DCC: variants seen among roughly 807,000 people sequenced by gnomAD.
The protein encoded by DCC is DCC netrin 1 receptor.
In DCC, 58 loss-of-function variants were observed where a neutral mutation model predicts 172.5. That is an observed-to-expected ratio of 0.34 (90% CI 0.27 to 0.42). The LOEUF (loss-of-function observed/expected upper bound fraction) is 0.42. Among genes scored for constraint, DCC ranks in the 10% least tolerant of loss-of-function variants. The pLI is 1.00. For missense variants in DCC, 1,740 were observed against 1,791.0 expected, an observed-to-expected ratio of 0.97 and a Z score of 0.51; for synonymous variants, 709 against 644.5, an observed-to-expected ratio of 1.10 and a Z score of -1.52.
intron 5 of DCC, among the ~76,000 whole-genome samples, chr18:53,056,187 C>A (rs779010673): frequency 2.0e-5 from 3 of 151,922 alleles, no homozygotes; most frequent in Non-Finnish European, 4.4e-5. Context: ...ACAATCACGG[C>A]GAAAGGCAAA....
At chr18:52,711,220 GTTTA>G (rs1568056980) in intron 1 of DCC, among the ~76,000 whole-genome samples, 1 of 151,966 alleles carries the variant, frequency 6.6e-6, no homozygotes, top group African/African-American at 2.4e-5. Context: ...ATGAGACCTT[GTTTA>G]TTTATTTGTT....
chr18:52,392,994 C>T (rs1986086679), intron 1 of DCC, among the ~76,000 whole-genome samples: 1 of 151,992 alleles, frequency 6.6e-6, no homozygotes, highest in Admixed American at 6.6e-5. Context: ...TTCATTCATT[C>T]CTCTGTGGTG....
At chr18:52,504,016 A>G (rs2031129383) in intron 1 of DCC, among the ~76,000 whole-genome samples, 1 of 152,018 alleles carries the variant, frequency 6.6e-6, no homozygotes, top group South Asian at 2.1e-4. Context: ...AACCTTATAA[A>G]CATAAATGGA....
intron 25 of DCC, among the ~76,000 whole-genome samples, chr18:53,471,180 T>C (rs1299260794): frequency 3.3e-5 from 5 of 152,194 alleles, no homozygotes; most frequent in African/African-American, 1.2e-4. Context: ...TTTTTGTGGG[T>C]ACATAGTAGG....
intron 9 of DCC, 96 bp from the exon 10 acceptor site, chr18:53,205,120 T>A: frequency 1.1e-6 from 1 of 927,250 alleles, no homozygotes; most frequent in Non-Finnish European, 1.8e-6. Context: ...CCTAGAATTT[T>A]ATTGAACTGT....
At position 53,483,397 on chromosome 18, in the gene DCC, C is replaced by G. The variant is rs143707830; in HGVS notation, c.3737-3400C>G. Among the ~76,000 whole-genome samples the G allele has an allele frequency of 3.1e-3, 471 of 151,934 alleles. 3 individuals carry two copies. Among genetic ancestry groups the G allele is most frequent in the Non-Finnish European group, 5.4e-3 (367 of 67,806 alleles). ...TTGACACTTAAAATATTTTGTTACA[C>G]ATTAAATACCTGTGAAAGATGGAAT... On this transcript the variant is annotated intron_variant, in intron 25 of 28. Coordinates refer to ENST00000442544, the MANE Select transcript of DCC (RefSeq NM_005215.4).
At chr18:53,101,803 CTGTGTGTG>C (rs140007932) in intron 7 of DCC, among the ~76,000 whole-genome samples, 1 of 141,642 alleles carries the variant, frequency 7.1e-6, no homozygotes, top group Non-Finnish European at 1.5e-5. Context: ...TACCACTGGG[CTGTGTGTG>C]TGTGTGTGTG....
At position 53,082,958 on chromosome 18, in the gene DCC, C is replaced by T. The variant is rs2042827440; in HGVS notation, c.1261+16792C>T. 2.0e-5 allele frequency among the ~76,000 whole-genome samples: 3 copies of T among 152,048 alleles called. No individual in the cohort carries two copies. The South Asian group carries it at 6.2e-4, about 32-fold the overall frequency. On this transcript the variant is annotated intron_variant, in intron 7 of 28. Transcript: ENST00000442544. Reference sequence around the variant, plus strand: ...CTCACTGAATTTTATATATGCCTACCACTGTAACACTGGCCCACTTTGTTC... The same window carrying T: ...CTCACTGAATTTTATATATGCCTACTACTGTAACACTGGCCCACTTTGTTC...
intron 3 of DCC, among the ~76,000 whole-genome samples, chr18:52,906,664 T>A (rs996372892): frequency 2.6e-5 from 4 of 152,116 alleles, no homozygotes; most frequent in Non-Finnish European, 5.9e-5. Context: ...CTGATAACAG[T>A]CTAAGAGGTA....
chr18:53,461,205 C>A (rs1466939669), intron 24 of DCC, among the ~76,000 whole-genome samples: 3 of 151,900 alleles, frequency 2.0e-5, no homozygotes, highest in Non-Finnish European at 4.4e-5. Context: ...GAGTAGGTTG[C>A]AAAAATTTTC....
chr18:52,667,360 A>G (rs2035474232), intron 1 of DCC, among the ~76,000 whole-genome samples: 1 of 152,210 alleles, frequency 6.6e-6, no homozygotes. Flanking sequence ...TATTATTGAT[A>G]TATGTCTTAT....
chr18:52,603,591 TAC>T (rs10553153), intron 1 of DCC, among the ~76,000 whole-genome samples: 38,161 of 144,402 alleles, frequency 0.26, 5,212 homozygotes, highest in Middle Eastern at 0.35. Flanking sequence ...GTGAAGTTAA[TAC>T]ACACACACAC....
intron 1 of DCC, among the ~76,000 whole-genome samples, chr18:52,604,049 C>T (rs1225185724): frequency 4.0e-5 from 6 of 151,796 alleles, no homozygotes; most frequent in African/African-American, 2.4e-5. Context: ...GTAAAGGTGG[C>T]ATCTAAGATG....
At position 53,063,301 on chromosome 18, in the gene DCC, G is replaced by A. The variant is rs769496827; in HGVS notation, c.986-4G>A. Reference sequence around the variant, plus strand: ...CACTCACTTTTTTTTTTCTGTCTTTGCAGTTCCGCCATGGTTTTTAAATCA... The same window carrying A: ...CACTCACTTTTTTTTTTCTGTCTTTACAGTTCCGCCATGGTTTTTAAATCA... On this transcript the variant is annotated splice_polypyrimidine_tract_variant and splice_region_variant and intron_variant, in intron 5 of 28. Coordinates refer to ENST00000442544, the MANE Select transcript of DCC (RefSeq NM_005215.4). 24 of 1,610,618 alleles carry A rather than the reference G, an allele frequency of 1.5e-5. No homozygotes were observed. In the South Asian group the frequency reaches 2.5e-4, roughly 17 times the overall value.
intron 9 of DCC, among the ~76,000 whole-genome samples, chr18:53,203,799 A>G (rs2055581681): frequency 1.3e-5 from 2 of 152,204 alleles, no homozygotes; most frequent in Admixed American, 6.5e-5. Context: ...CAACATTATT[A>G]AGTAAGGCTG....
At chr18:52,462,116 G>A (rs985188936) in intron 1 of DCC, among the ~76,000 whole-genome samples, 4 of 152,046 alleles carry the variant, frequency 2.6e-5, no homozygotes, top group Admixed American at 2.6e-4. Flanking sequence ...TGCTTGTCAG[G>A]ATTTGTCCCA....
intron 27 of DCC, among the ~76,000 whole-genome samples, chr18:53,512,001 C>T (rs911493918): frequency 1.3e-5 from 2 of 152,190 alleles, no homozygotes; most frequent in African/African-American, 2.4e-5. Flanking sequence ...GTAGGCTCCA[C>T]CTCTGGGGGC....
intron 2 of DCC, among the ~76,000 whole-genome samples, chr18:52,830,333 T>C (rs553528358): frequency 1.3e-5 from 2 of 152,322 alleles, no homozygotes; most frequent in African/African-American, 4.8e-5. Context: ...GTATTTTATG[T>C]GTGGCCCAAG....
In DCC at chr18:53,175,402, C is replaced by T. The variant is rs12454999; in HGVS notation, c.1419-3560C>T. Among the ~76,000 whole-genome samples the T allele has an allele frequency of 2.3e-3, 350 of 152,024 alleles. 4 individuals carry two copies. Among genetic ancestry groups the T allele is most frequent in the Admixed American group, 0.018 (281 of 15,224 alleles). On this transcript the variant is annotated intron_variant, in intron 8 of 28. Transcript: ENST00000442544. ...AAGTCAAATTGTCCCTGTTTGCAGA[C>T]GACATGATTGTATATCTAGAAAACC...
Sources: gnomAD v4.1 joint callset for allele counts (sites outside exome capture counted in the v4.1 genomes callset) on GRCh38, gnomAD v4.1.1 for gene constraint, MANE v1.5 for transcripts, NCBI Gene and HGNC (gene_info 2026-07-23, HGNC 2026-07-21) for gene names.